Variants in STX8 observed in about 807,000 individuals in gnomAD.
STX8 encodes syntaxin 8, also known as syntaxin-8.
In STX8, 23 loss-of-function variants were observed where a neutral mutation model predicts 37.5. That is an observed-to-expected ratio of 0.61 (90% CI 0.44 to 0.87). STX8 has a LOEUF of 0.87. Among genes scored for constraint, STX8 ranks in the 40% least tolerant of loss-of-function variants. The pLI, the probability that STX8 is intolerant of heterozygous loss-of-function variation, is 0.00. For missense variants in STX8, 313 were observed against 284.7 expected, an observed-to-expected ratio of 1.10 and a Z score of -0.71; for synonymous variants, 115 against 99.1, an observed-to-expected ratio of 1.16 and a Z score of -0.95.
At chr17:9,251,418 G>A (rs573986098) in intron 7 of STX8, among the ~76,000 whole-genome samples, 2 of 152,322 alleles carry the variant, frequency 1.3e-5, no homozygotes, top group East Asian at 1.9e-4. Flanking sequence ...TGTTTACCAC[G>A]TGCCAGGTAC....
At chr17:9,514,028 T>C (rs1905098994) in intron 4 of STX8, among the ~76,000 whole-genome samples, 1 of 150,556 alleles carries the variant, frequency 6.6e-6, no homozygotes, top group African/African-American at 2.4e-5. Context: ...CTGGGGAGAG[T>C]AGGGAGAAGG....
intron 7 of STX8, among the ~76,000 whole-genome samples, chr17:9,338,147 G>A (rs769079868): frequency 1.4e-5 from 2 of 146,394 alleles, no homozygotes; most frequent in African/African-American, 2.6e-5. Context: ...TCCGCCTCCC[G>A]GGTTCAAATT....
At chr17:9,481,625 G>A (rs1434189687) in intron 6 of STX8, among the ~76,000 whole-genome samples, 2 of 152,086 alleles carry the variant, frequency 1.3e-5, no homozygotes, top group East Asian at 3.9e-4. Flanking sequence ...ATACTAGGAT[G>A]GAACCAAAAA....
chr17:9,424,589 T>C (rs998106274), intron 6 of STX8, among the ~76,000 whole-genome samples: 1 of 152,150 alleles, frequency 6.6e-6, no homozygotes, highest in African/African-American at 2.4e-5. Flanking sequence ...TGTGACACTC[T>C]GGTTTCCAGA....
intron 7 of STX8, among the ~76,000 whole-genome samples, chr17:9,337,676 G>C (rs926497665): frequency 2.0e-5 from 3 of 152,120 alleles, no homozygotes; most frequent in Non-Finnish European, 2.9e-5. Flanking sequence ...CAGAACCTGC[G>C]TATTAACAAG....
At chr17:9,384,570 G>A (rs925311878) in intron 6 of STX8, among the ~76,000 whole-genome samples, 2 of 151,874 alleles carry the variant, frequency 1.3e-5, no homozygotes, top group Non-Finnish European at 2.9e-5. Flanking sequence ...CCCGGGAGGC[G>A]GAGCTTGCAG....
At chr17:9,370,453 G>C (rs541745231) in intron 7 of STX8, among the ~76,000 whole-genome samples, 2 of 152,044 alleles carry the variant, frequency 1.3e-5, no homozygotes, top group Admixed American at 6.6e-5. Flanking sequence ...CAGGACTGTC[G>C]GACGCCACAC....
At chr17:9,451,001 A>G (rs1215776871) in intron 6 of STX8, among the ~76,000 whole-genome samples, 1 of 152,194 alleles carries the variant, frequency 6.6e-6, no homozygotes, top group African/African-American at 2.4e-5. Flanking sequence ...CAGGAACACA[A>G]AAATGAATAA....
intron 6 of STX8, among the ~76,000 whole-genome samples, chr17:9,441,125 T>C (rs1904632956): frequency 6.6e-6 from 1 of 151,970 alleles, no homozygotes; most frequent in Non-Finnish European, 1.5e-5. Flanking sequence ...TAATCCTGAG[T>C]ATGAAGGGGC....
chr17:9,357,835 T>C (rs1309091250), intron 7 of STX8, among the ~76,000 whole-genome samples: 2 of 152,246 alleles, frequency 1.3e-5, no homozygotes, highest in South Asian at 4.1e-4. Context: ...AATTGTTTTA[T>C]TGACAAAGTC....
intron 2 of STX8, among the ~76,000 whole-genome samples, chr17:9,559,735 T>TAC (rs1907129398): frequency 7.1e-5 from 2 of 28,350 alleles, no homozygotes; most frequent in Admixed American, 7.6e-4. Context: ...ATTATTATTT[T>TAC]ATATATATAT....
At chr17:9,468,307 A>C (rs1567573870) in intron 6 of STX8, among the ~76,000 whole-genome samples, 2 of 152,022 alleles carry the variant, frequency 1.3e-5, no homozygotes, top group Non-Finnish European at 2.9e-5. Context: ...ACGGGGTTTC[A>C]CCATGTTGGC....
intron 6 of STX8, among the ~76,000 whole-genome samples, chr17:9,427,189 C>T (rs186146237): frequency 6.6e-6 from 1 of 152,110 alleles, no homozygotes; most frequent in Non-Finnish European, 1.5e-5. Flanking sequence ...AATACATGTT[C>T]CCATAGAAAT....
intron 1 of STX8, among the ~76,000 whole-genome samples, chr17:9,573,275 T>C (rs1315064812): frequency 6.6e-6 from 1 of 152,164 alleles, no homozygotes; most frequent in Non-Finnish European, 1.5e-5. Context: ...TTAAGTCTGA[T>C]AAGAAACACT....
intron 7 of STX8, among the ~76,000 whole-genome samples, chr17:9,347,838 GTC>G (rs1160514738): frequency 2.6e-5 from 4 of 152,134 alleles, no homozygotes; most frequent in Admixed American, 6.5e-5. Context: ...TCAGCTTTCT[GTC>G]TCTATAGATT....
At chr17:9,449,118 T>C (rs1370845875) in intron 6 of STX8, among the ~76,000 whole-genome samples, 1 of 152,146 alleles carries the variant, frequency 6.6e-6, no homozygotes, top group Non-Finnish European at 1.5e-5. Context: ...CATATGCTTA[T>C]ACAAACCAGC....
chr17:9,506,227 C>CATTCTGTCCAAGCT (rs1226150803), intron 4 of STX8, among the ~76,000 whole-genome samples: 1 of 152,044 alleles, frequency 6.6e-6, no homozygotes, highest in African/African-American at 2.4e-5. Context: ...CACCTGTCTG[C>CATTCTGTCCAAGCT]ATTCTGTCCA....
chr17:9,364,358 GAA>G (rs1911158587), intron 7 of STX8, among the ~76,000 whole-genome samples: 1 of 152,110 alleles, frequency 6.6e-6, no homozygotes, highest in Non-Finnish European at 1.5e-5. Context: ...TCATGATGGA[GAA>G]GTCATTTATT....
intron 6 of STX8, among the ~76,000 whole-genome samples, chr17:9,479,250 T>C (rs1906218371): frequency 1.3e-5 from 2 of 152,152 alleles, no homozygotes; most frequent in African/African-American, 2.4e-5. Flanking sequence ...ATACCATATA[T>C]AGGCCAGGCG....
Sources: allele counts gnomAD v4.1 joint callset (sites outside exome capture counted in the v4.1 genomes callset), GRCh38; gene constraint gnomAD v4.1.1; transcripts MANE v1.5; gene names NCBI Gene and HGNC (gene_info 2026-07-23, HGNC 2026-07-21).